The following TMEM132C variants were observed in gnomAD, a reference collection of about 807,000 sequenced individuals.
The protein encoded by TMEM132C is transmembrane protein 132C.
TMEM132C carries 29 observed loss-of-function variants against 61.4 expected under a neutral mutation model. The observed-to-expected ratio is 0.47, with a 90% CI of 0.35 to 0.64. The LOEUF (loss-of-function observed/expected upper bound fraction) is 0.64. TMEM132C is among the 30% of genes least tolerant of loss of function. The pLI, the probability that TMEM132C is intolerant of heterozygous loss-of-function variation, is 0.00. For synonymous variants in TMEM132C, 656 were observed against 633.1 expected (o/e 1.04, Z -0.54); for missense variants, 1,408 against 1,476.9 (o/e 0.95, Z 0.76).
chr12:128,616,113 C>T (rs1565992483), intron 3 of TMEM132C, 39 bp from the exon 4 acceptor site: 1 of 1,541,170 alleles, frequency 6.5e-7, no homozygotes, highest in Non-Finnish European at 8.8e-7. Context: ...GTCCTTTGAA[C>T]AAAGTTGGCT....
At position 128,389,196 on chromosome 12, in the gene TMEM132C, C is replaced by T. The variant is rs146949329; in HGVS notation, c.86-25536C>T. On this transcript the variant is annotated intron_variant, in intron 1 of 8. Coordinates refer to ENST00000435159, the MANE Select transcript of TMEM132C (RefSeq NM_001136103.3). ...CATACTTAGTAAGCACGCCCAAATT[C>T]CAGATACTGATCTGGGCACTGGGGA... Among the ~76,000 whole-genome samples, 1,309 of 152,284 alleles carry T rather than the reference C, an allele frequency of 8.6e-3. 21 individuals are homozygous for T. The highest frequency in any genetic ancestry group is 0.03 in the African/African-American group (1,252 of 41,564).
At chr12:128,524,480 A>G (rs1873018954) in intron 2 of TMEM132C, among the ~76,000 whole-genome samples, 1 of 152,060 alleles carries the variant, frequency 6.6e-6, no homozygotes, top group Non-Finnish European at 1.5e-5. Context: ...GGCCCTGGGT[A>G]TTACTTCTTT....
At chr12:128,604,710 T>C (rs372975954) in intron 3 of TMEM132C, among the ~76,000 whole-genome samples, 2 of 148,288 alleles carry the variant, frequency 1.3e-5, no homozygotes, top group South Asian at 4.2e-4. Flanking sequence ...GATGGCTAGA[T>C]AGATAAATAA....
intron 6 of TMEM132C, among the ~76,000 whole-genome samples, chr12:128,695,129 G>A (rs1425765278): frequency 6.6e-6 from 1 of 152,222 alleles, no homozygotes; most frequent in Non-Finnish European, 1.5e-5. Flanking sequence ...GAACCCCTCT[G>A]TCCAATATGG....
chr12:128,282,642 C>T (rs928861386), intron 1 of TMEM132C, among the ~76,000 whole-genome samples: 5 of 152,204 alleles, frequency 3.3e-5, no homozygotes, highest in African/African-American at 1.2e-4. Flanking sequence ...CAGAGCCAAA[C>T]CATATCAACT....
At chr12:128,465,355 C>T (rs994369082) in intron 2 of TMEM132C, among the ~76,000 whole-genome samples, 9 of 151,262 alleles carry the variant, frequency 5.9e-5, no homozygotes, top group South Asian at 2.1e-4. Context: ...CCTGCCACCA[C>T]GCCCAGCTAA....
At chr12:128,547,510 G>A (rs1873996733) in intron 3 of TMEM132C, among the ~76,000 whole-genome samples, 5 of 149,134 alleles carry the variant, frequency 3.4e-5, no homozygotes, top group Admixed American at 2.7e-4. Flanking sequence ...CTTGCAGTGA[G>A]CTCAGATCGC....
In TMEM132C at chr12:128,277,497, G is replaced by A. The variant is rs570051366; in HGVS notation, c.85+10010G>A. On this transcript the variant is annotated intron_variant, in intron 1 of 8. Transcript: ENST00000435159. ...TTTTTGGCACTCACTACAGCCTTTC[G>A]CCCACTTACTGCGGACTTAAGGGAA... is the stretch of plus-strand genomic sequence containing the variant. Among the ~76,000 whole-genome samples, 194 of 152,300 alleles carry A rather than the reference G, an allele frequency of 1.3e-3. 2 individuals carry two copies. The highest frequency in any genetic ancestry group is 3.8e-3 in the African/African-American group (157 of 41,580).
At chr12:128,502,359 G>A (rs1872211332) in intron 2 of TMEM132C, among the ~76,000 whole-genome samples, 1 of 152,250 alleles carries the variant, frequency 6.6e-6, no homozygotes, top group Admixed American at 6.5e-5. Context: ...GAGACGTCAG[G>A]AAGAGGCTTG....
At chr12:128,366,474 A>G (rs570152092) in intron 1 of TMEM132C, among the ~76,000 whole-genome samples, 61 of 152,244 alleles carry the variant, frequency 4.0e-4, no homozygotes, top group African/African-American at 1.3e-3. Flanking sequence ...GCGGCTTCTT[A>G]TAGCCCCGGA....
At chr12:128,452,352 G>A (rs1294253244) in intron 2 of TMEM132C, among the ~76,000 whole-genome samples, 14 of 151,568 alleles carry the variant, frequency 9.2e-5, no homozygotes, top group Admixed American at 5.9e-4. Flanking sequence ...CTCCCACCTC[G>A]GCCTCCCAAA....
At chr12:128,356,148 C>G (rs1340181881) in intron 1 of TMEM132C, among the ~76,000 whole-genome samples, 4 of 152,210 alleles carry the variant, frequency 2.6e-5, no homozygotes, top group African/African-American at 9.7e-5. Flanking sequence ...CGGATTCTTT[C>G]TCAACTCCAG....
At chr12:128,541,605 C>G (rs1396977627) in intron 2 of TMEM132C, among the ~76,000 whole-genome samples, 1 of 152,196 alleles carries the variant, frequency 6.6e-6, no homozygotes. Flanking sequence ...ATCTTTATTT[C>G]AGCATATCAC....
At chr12:128,282,989 G>C (rs943082442) in intron 1 of TMEM132C, among the ~76,000 whole-genome samples, 2 of 152,054 alleles carry the variant, frequency 1.3e-5, no homozygotes, top group Admixed American at 6.6e-5. Flanking sequence ...GTGTCTGCTG[G>C]GCTTCTCTAC....
At chr12:128,533,967 A>G (rs1260799135) in intron 2 of TMEM132C, among the ~76,000 whole-genome samples, 6 of 151,542 alleles carry the variant, frequency 4.0e-5, no homozygotes, top group African/African-American at 1.5e-4. Context: ...ACACACACAC[A>G]CACACACACA....
Position 128,600,245 on chromosome 12 carries a change from G to T in TMEM132C, c.1122-15907G>T, listed in dbSNP as rs180985649. On this transcript the variant is annotated intron_variant, in intron 3 of 8. Transcript: ENST00000435159. Reference sequence around the variant, plus strand: ...GATCTGCCCACCTCGGCCTCCCAAAGTGCTGGTATTACAGGTGTGAGCCAC... The same window carrying T: ...GATCTGCCCACCTCGGCCTCCCAAATTGCTGGTATTACAGGTGTGAGCCAC... 4.3e-4 allele frequency among the ~76,000 whole-genome samples: 66 copies of T among 152,250 alleles called. No homozygotes were observed. The East Asian group carries it at 0.013, about 29-fold the overall frequency.
chr12:128,324,604 A>G (rs1303558521), intron 1 of TMEM132C, among the ~76,000 whole-genome samples: 1 of 152,206 alleles, frequency 6.6e-6, no homozygotes, highest in Non-Finnish European at 1.5e-5. Context: ...TCACGTCTGT[A>G]ATCCCAGCAC....
Position 128,267,393 on chromosome 12 carries a change from G to A in TMEM132C, c.-10G>A, listed in dbSNP as rs1870342129. 8.6e-7 allele frequency: 1 copy of A among 1,160,238 alleles called. No homozygotes were observed. Among genetic ancestry groups the A allele is most frequent in the Admixed American group, 4.8e-5 (1 of 21,036 alleles). 71.9% of individuals were successfully genotyped at this position (1,160,238 alleles called of 1,614,324 possible). A position where few individuals can be genotyped will look rare whatever the true frequency, so the allele number is the denominator to read the frequency against. ...CTGGCGGCGGGCTGCGTGAGCGGCC[G>A]GGACGCAGGATGCGCTCCGAGGGTG... On this transcript the variant is annotated 5_prime_UTR_variant, in exon 1 of 9. Coordinates refer to ENST00000435159, the MANE Select transcript of TMEM132C (RefSeq NM_001136103.3).
intron 2 of TMEM132C, among the ~76,000 whole-genome samples, chr12:128,484,823 T>C (rs1871433825): frequency 6.6e-6 from 1 of 151,638 alleles, no homozygotes; most frequent in Admixed American, 6.6e-5. Context: ...CTAAACATGG[T>C]AGTGCATGCC....
Sources: gnomAD v4.1 joint callset for allele counts (sites outside exome capture counted in the v4.1 genomes callset) on GRCh38, gnomAD v4.1.1 for gene constraint, MANE v1.5 for transcripts, NCBI Gene and HGNC (gene_info 2026-07-23, HGNC 2026-07-21) for gene names.